NTM: variants seen among roughly 807,000 people sequenced by gnomAD.
The protein encoded by NTM is IgLON family member 2.
Under a neutral mutation model 42.1 loss-of-function variants are expected in NTM, and 13 were observed. The observed-to-expected ratio is 0.31, with a 90% CI of 0.20 to 0.49. The LOEUF (loss-of-function observed/expected upper bound fraction) is 0.49. Ranked by LOEUF, NTM falls within the 20% of genes least tolerant of loss-of-function variation. The probability of loss-of-function intolerance (pLI) is 0.99; values close to 1 mark genes in which losing one functional copy is unlikely to be tolerated. For missense variants in NTM, 373 were observed against 452.8 expected (o/e 0.82, Z 1.60); for synonymous variants, 187 against 179.2 (o/e 1.04, Z -0.35).
At chr11:132,234,754 G>A (rs1053359373) in intron 4 of NTM, among the ~76,000 whole-genome samples, 1 of 152,174 alleles carries the variant, frequency 6.6e-6, no homozygotes, top group Non-Finnish European at 1.5e-5. Context: ...TTTCAAAAGT[G>A]AATCTCAATT....
chr11:132,022,339 GAC>G (rs924520063), intron 2 of NTM, among the ~76,000 whole-genome samples: 3 of 152,210 alleles, frequency 2.0e-5, no homozygotes, highest in African/African-American at 7.2e-5. Context: ...CAGAATATTT[GAC>G]AGTCTTCTTT....
intron 3 of NTM, among the ~76,000 whole-genome samples, chr11:132,166,966 A>G (rs73595468): frequency 0.03 from 4,602 of 152,182 alleles, 224 homozygotes; most frequent in African/African-American, 0.1. Context: ...TCAAGCTAAG[A>G]TTTCTCCCTG....
intron 1 of NTM, among the ~76,000 whole-genome samples, chr11:131,759,705 G>C: frequency 6.6e-6 from 1 of 150,514 alleles, no homozygotes; most frequent in South Asian, 2.1e-4. Context: ...TACTTGGCTT[G>C]TTAGGGCTTA....
intron 1 of NTM, among the ~76,000 whole-genome samples, chr11:131,881,263 G>T (rs1565671483): frequency 6.6e-6 from 1 of 152,092 alleles, no homozygotes; most frequent in Non-Finnish European, 1.5e-5. Flanking sequence ...AGACAATAAG[G>T]ACATAGGCAA....
chr11:131,476,697 G>C (rs1952972519), intron 1 of NTM, among the ~76,000 whole-genome samples: 1 of 152,084 alleles, frequency 6.6e-6, no homozygotes, highest in Admixed American at 6.5e-5. Context: ...AGTGAAAATA[G>C]CCTTTTTATG....
intron 1 of NTM, among the ~76,000 whole-genome samples, chr11:131,624,479 A>C (rs1449967283): frequency 6.6e-6 from 1 of 152,150 alleles, no homozygotes; most frequent in Non-Finnish European, 1.5e-5. Context: ...CTCATAAGCC[A>C]GGGACATCAC....
At chr11:132,098,877 C>T (rs1230911483) in intron 2 of NTM, among the ~76,000 whole-genome samples, 6 of 152,234 alleles carry the variant, frequency 3.9e-5, no homozygotes, top group Admixed American at 3.9e-4. Flanking sequence ...ATACAGCAGC[C>T]CTGCAGCTTG....
At chr11:131,379,277 A>T (rs2135509845) in intron 1 of NTM, among the ~76,000 whole-genome samples, 1 of 152,284 alleles carries the variant, frequency 6.6e-6, no homozygotes, top group Non-Finnish European at 1.5e-5. Context: ...CAGTGATAGG[A>T]ACTTGCATCT....
At chr11:131,996,136 T>A (rs1302360355) in intron 2 of NTM, among the ~76,000 whole-genome samples, 1 of 152,194 alleles carries the variant, frequency 6.6e-6, no homozygotes. Flanking sequence ...GAATTTGGAC[T>A]TTCTCTTATG....
intron 2 of NTM, among the ~76,000 whole-genome samples, chr11:131,952,001 C>T (rs2061052582): frequency 6.6e-6 from 1 of 151,898 alleles, no homozygotes; most frequent in South Asian, 2.1e-4. Context: ...GAAAGTAATA[C>T]CCTGGTCTTA....
At chr11:132,060,206 AC>A (rs2080420827) in intron 2 of NTM, among the ~76,000 whole-genome samples, 1 of 151,762 alleles carries the variant, frequency 6.6e-6, no homozygotes, top group Non-Finnish European at 1.5e-5. Flanking sequence ...CAATACATCC[AC>A]CCCCTGGGCT....
chr11:131,585,840 C>T (rs2058809844), intron 1 of NTM, among the ~76,000 whole-genome samples: 1 of 152,194 alleles, frequency 6.6e-6, no homozygotes, highest in African/African-American at 2.4e-5. Flanking sequence ...TGGCTCCAGG[C>T]CATGTTGATT....
intron 1 of NTM, among the ~76,000 whole-genome samples, chr11:131,658,223 T>C (rs1220279037): frequency 6.6e-6 from 1 of 152,232 alleles, no homozygotes; most frequent in African/African-American, 2.4e-5. Context: ...AGAATTCTCC[T>C]ATTCAATAAG....
At chr11:131,711,829 T>C (rs1243545552) in intron 1 of NTM, among the ~76,000 whole-genome samples, 1 of 151,584 alleles carries the variant, frequency 6.6e-6, no homozygotes, top group African/African-American at 2.4e-5. Context: ...ATGTCCTTTG[T>C]AGGGACATGG....
intron 2 of NTM, among the ~76,000 whole-genome samples, chr11:132,014,278 TTATC>T (rs1226417377): frequency 6.6e-6 from 1 of 151,970 alleles, no homozygotes; most frequent in Non-Finnish European, 1.5e-5. Context: ...CACATTTTCT[TTATC>T]TATTCATCAG....
At chr11:131,747,752 C>T (rs2081996923) in intron 1 of NTM, among the ~76,000 whole-genome samples, 1 of 152,192 alleles carries the variant, frequency 6.6e-6, no homozygotes, top group Non-Finnish European at 1.5e-5. Context: ...CTGCCAGCAA[C>T]AGCAAGGGAA....
At chr11:131,646,968 GT>G (rs1178760710) in intron 1 of NTM, among the ~76,000 whole-genome samples, 9 of 152,226 alleles carry the variant, frequency 5.9e-5, no homozygotes, top group African/African-American at 2.2e-4. Flanking sequence ...AGAATTAAAT[GT>G]GGACAGAACA....
intron 1 of NTM, among the ~76,000 whole-genome samples, chr11:131,710,019 A>C (rs2076961743): frequency 6.6e-6 from 1 of 152,188 alleles, no homozygotes; most frequent in Non-Finnish European, 1.5e-5. Context: ...GTGTTGACTG[A>C]GAACACACAC....
intron 3 of NTM, among the ~76,000 whole-genome samples, chr11:132,158,813 C>T (rs1049252548): frequency 1.3e-5 from 2 of 152,160 alleles, no homozygotes; most frequent in African/African-American, 4.8e-5. Context: ...TGTGCATTTT[C>T]TTAGCAAGGT....
Sources: allele counts gnomAD v4.1 joint callset (sites outside exome capture counted in the v4.1 genomes callset), GRCh38; gene constraint gnomAD v4.1.1; transcripts MANE v1.5; gene names NCBI Gene and HGNC (gene_info 2026-07-23, HGNC 2026-07-21).